The following PAWR variants were observed in gnomAD, a reference collection of about 807,000 sequenced individuals.
The protein encoded by PAWR is PRKC apoptosis WT1 regulator protein.
Under a neutral mutation model 32.0 loss-of-function variants are expected in PAWR, and 23 were observed. The observed-to-expected ratio is 0.72, with a 90% CI of 0.52 to 1.02. PAWR has a LOEUF of 1.02. PAWR is among the 50% of genes least tolerant of loss of function. The pLI, the probability that PAWR is intolerant of heterozygous loss-of-function variation, is 0.00. For missense variants in PAWR, 457 were observed against 437.7 expected (o/e 1.04, Z -0.39); for synonymous variants, 226 against 187.1 (o/e 1.21, Z -1.70).
At position 79,592,340 on chromosome 12, in the gene PAWR, T is replaced by C. The variant is rs923615874; in HGVS notation, c.*267A>G. 1.5e-5 allele frequency: 5 copies of C among 337,132 alleles called. No individual in the cohort carries two copies. Among genetic ancestry groups the C allele is most frequent in the Admixed American group, 1.0e-4 (2 of 19,862 alleles). The allele number at this position is 337,132 out of a possible 1,614,324, so 20.9% of individuals were successfully genotyped here. A position where few individuals can be genotyped will look rare whatever the true frequency, so the allele number is the denominator to read the frequency against. ...ACGGCTGTGACTTTAAACCATGTAT[T>C]AGTTGAATACCACACAAAACCAAAA... On this transcript the variant is annotated 3_prime_UTR_variant, in exon 7 of 7. Coordinates refer to ENST00000328827, the MANE Select transcript of PAWR (RefSeq NM_002583.4).
chr12:79,657,579 C>T (rs1002769155), intron 2 of PAWR, among the ~76,000 whole-genome samples: 2 of 152,084 alleles, frequency 1.3e-5, no homozygotes, highest in South Asian at 2.1e-4. Context: ...ATCACAAGGT[C>T]AGAAGACCGA....
At chr12:79,675,336 G>A (rs558344315) in intron 2 of PAWR, among the ~76,000 whole-genome samples, 2 of 152,160 alleles carry the variant, frequency 1.3e-5, no homozygotes, top group African/African-American at 2.4e-5. Flanking sequence ...CTAGGATCAC[G>A]CCACTGCACC....
chr12:79,626,463 G>A (rs1431022565), intron 2 of PAWR, among the ~76,000 whole-genome samples: 5 of 151,158 alleles, frequency 3.3e-5, no homozygotes, highest in Non-Finnish European at 7.4e-5. Context: ...GGTTCACCAT[G>A]TTAGCCAGGA....
chr12:79,612,216 G>A (rs1874472832), intron 4 of PAWR, among the ~76,000 whole-genome samples: 1 of 152,010 alleles, frequency 6.6e-6, no homozygotes, highest in African/African-American at 2.4e-5. Context: ...AAATTACCCA[G>A]AAATGAAAAT....
chr12:79,675,881 G>A (rs1878140551), intron 2 of PAWR, among the ~76,000 whole-genome samples: 1 of 151,922 alleles, frequency 6.6e-6, no homozygotes. Flanking sequence ...TAAAATAAAA[G>A]TTGGAAAGAA....
At chr12:79,600,373 G>T (rs570499138) in intron 4 of PAWR, among the ~76,000 whole-genome samples, 8 of 150,884 alleles carry the variant, frequency 5.3e-5, no homozygotes, top group African/African-American at 1.5e-4. Flanking sequence ...GAATGAAAAA[G>T]ATTTTTACAT....
intron 2 of PAWR, among the ~76,000 whole-genome samples, chr12:79,655,825 T>C (rs544324041): frequency 6.6e-6 from 1 of 152,356 alleles, no homozygotes; most frequent in South Asian, 2.1e-4. Flanking sequence ...TAAACTGTTT[T>C]AGACAAAGTC....
chr12:79,635,130 G>C (rs1875897739), intron 2 of PAWR, among the ~76,000 whole-genome samples: 1 of 151,974 alleles, frequency 6.6e-6, no homozygotes, highest in South Asian at 2.1e-4. Flanking sequence ...TTAACATCTT[G>C]CTATTGTCAG....
chr12:79,620,942 A>G, intron 3 of PAWR, 134 bp downstream of exon 3: 1 of 671,402 alleles, frequency 1.5e-6, no homozygotes, highest in Non-Finnish European at 2.5e-6. Context: ...GTCAGAACCC[A>G]CTTATGGTAA....
chr12:79,609,863 G>A (rs142178579), intron 4 of PAWR, among the ~76,000 whole-genome samples: 4 of 152,288 alleles, frequency 2.6e-5, no homozygotes, highest in South Asian at 2.1e-4. Context: ...CACTTAAGCC[G>A]TCCATGGATG....
intron 2 of PAWR, chr12:79,635,730 C>A (rs1042894203): frequency 6.6e-6 from 1 of 152,090 alleles, no homozygotes; most frequent in African/African-American, 2.4e-5. Context: ...ACCAATAAAG[C>A]ATAATTTTAT....
intron 1 of PAWR, 185 bp downstream of exon 1, chr12:79,690,687 C>G (rs1265431763): frequency 6.5e-6 from 1 of 153,424 alleles, no homozygotes. Context: ...TAGGGCTAGA[C>G]CCGCCACCTG....
intron 2 of PAWR, among the ~76,000 whole-genome samples, chr12:79,630,932 C>T (rs1310856629): frequency 6.6e-6 from 1 of 151,442 alleles, no homozygotes; most frequent in African/African-American, 2.4e-5. Flanking sequence ...ACAAAAAGGC[C>T]TTTGCAAAAT....
chr12:79,626,506 C>A (rs936932187), intron 2 of PAWR, among the ~76,000 whole-genome samples: 1 of 151,504 alleles, frequency 6.6e-6, no homozygotes, highest in African/African-American at 2.4e-5. Flanking sequence ...TGATCCACCC[C>A]CCACGGCCTC....
At chr12:79,639,923 G>T (rs956573063) in intron 2 of PAWR, among the ~76,000 whole-genome samples, 1 of 124,318 alleles carries the variant, frequency 8.0e-6, no homozygotes, top group Admixed American at 7.3e-5. Context: ...TTCTATTCTA[G>T]AGATGGAGTC....
At chr12:79,598,612 A>G (rs1179843477) in intron 4 of PAWR, among the ~76,000 whole-genome samples, 1 of 152,252 alleles carries the variant, frequency 6.6e-6, no homozygotes, top group Non-Finnish European at 1.5e-5. Context: ...GATAGAAAAT[A>G]AAAGTGTCCT....
rs2136666705 is a variant in PAWR at position 79,588,898 on chromosome 12, T to G, written c.*3709A>C. 6.6e-6 allele frequency: 1 copy of G among 152,118 alleles called. No homozygotes were observed. Among genetic ancestry groups the G allele is most frequent in the Middle Eastern group, 3.4e-3 (1 of 294 alleles). 9.4% of individuals were successfully genotyped at this position (152,118 alleles called of 1,614,324 possible). ...CAACTTCCATATATCCAGGAGAAAC[T>G]TAGCATGGGGGGAGGTGCCTTAGTT... On this transcript the variant is annotated 3_prime_UTR_variant, in exon 7 of 7. Transcript: ENST00000328827.
At chr12:79,663,410 T>A (rs1877441404) in intron 2 of PAWR, among the ~76,000 whole-genome samples, 1 of 152,192 alleles carries the variant, frequency 6.6e-6, no homozygotes, top group Non-Finnish European at 1.5e-5. Flanking sequence ...CTGGGAAGAT[T>A]TTTTAAATGT....
At position 79,630,074 on chromosome 12, in the gene PAWR, TA is replaced by T. The variant is rs368465050; in HGVS notation, c.517-8868del. The stretch of plus-strand genomic sequence containing the variant: ...TTAAAAAGCTATAAAAAGGGCAAAT[TA>T]AACCCAAAATAAATGGAAGAAAATG... On this transcript the variant is annotated intron_variant, in intron 2 of 6. Coordinates refer to ENST00000328827, the MANE Select transcript of PAWR (RefSeq NM_002583.4). Among the ~76,000 whole-genome samples the T allele has an allele frequency of 6.5e-3, 978 of 151,546 alleles. 20 individuals carry two copies. The South Asian group carries it at 0.073, about 11-fold the overall frequency.
Sources: allele counts gnomAD v4.1 joint callset (sites outside exome capture counted in the v4.1 genomes callset), GRCh38; gene constraint gnomAD v4.1.1; transcripts MANE v1.5; gene names NCBI Gene and HGNC (gene_info 2026-07-23, HGNC 2026-07-21).